Variants in TACR1 observed in about 807,000 individuals in gnomAD.
The protein encoded by TACR1 is substance-P receptor.
In TACR1, 25 loss-of-function variants were observed where a neutral mutation model predicts 35.8. That is an observed-to-expected ratio of 0.70 (90% confidence interval 0.51 to 0.98). TACR1 has a LOEUF of 0.98. TACR1 is among the 50% of genes least tolerant of loss of function. TACR1 has a pLI of 0.00. For missense variants in TACR1, 478 were observed against 522.9 expected, an observed-to-expected ratio of 0.91 and a Z score of 0.84; for synonymous variants, 195 against 206.7, an observed-to-expected ratio of 0.94 and a Z score of 0.48.
At chr2:75,172,221 A>G (rs188643377) in intron 1 of TACR1, among the ~76,000 whole-genome samples, 115 of 152,292 alleles carry the variant, frequency 7.6e-4, no homozygotes, top group Non-Finnish European at 1.2e-3. Context: ...TTTGACAAAC[A>G]GGGGCCATTG....
intron 1 of TACR1, among the ~76,000 whole-genome samples, chr2:75,143,652 TACTAAC>T (rs1311534209): frequency 1.3e-5 from 2 of 152,178 alleles, no homozygotes; most frequent in South Asian, 2.1e-4. Flanking sequence ...CAGGGAAGAT[TACTAAC>T]TCCAACGGTC....
At chr2:75,140,155 A>G (rs1010793811) in intron 1 of TACR1, among the ~76,000 whole-genome samples, 4 of 152,040 alleles carry the variant, frequency 2.6e-5, no homozygotes, top group Non-Finnish European at 2.9e-5. Context: ...GGAAGTTACT[A>G]CTCTGAAATT....
At chr2:75,056,907 A>G (rs1672579770) in intron 2 of TACR1, among the ~76,000 whole-genome samples, 1 of 152,202 alleles carries the variant, frequency 6.6e-6, no homozygotes. Flanking sequence ...CAGCAATTCT[A>G]TTTTTAGGTA....
chr2:75,095,949 A>G (rs762762278), intron 2 of TACR1, among the ~76,000 whole-genome samples: 16 of 152,188 alleles, frequency 1.1e-4, no homozygotes, highest in Non-Finnish European at 2.1e-4. Flanking sequence ...TGAGTGAGAA[A>G]TAAAGTTTTG....
chr2:75,069,059 G>T (rs533796828), intron 2 of TACR1, among the ~76,000 whole-genome samples: 1 of 152,080 alleles, frequency 6.6e-6, no homozygotes, highest in African/African-American at 2.4e-5. Context: ...TGCTGTTCTC[G>T]TGAAAGTGAA....
intron 3 of TACR1, 112 bp from the exon 4 acceptor site, chr2:75,051,559 AT>A: frequency 6.6e-7 from 1 of 1,515,170 alleles, no homozygotes; most frequent in Non-Finnish European, 8.8e-7. Context: ...AGCGAGAAGT[AT>A]TTAAAAGACG....
At chr2:75,106,599 G>A (rs999290622) in intron 2 of TACR1, among the ~76,000 whole-genome samples, 1 of 151,878 alleles carries the variant, frequency 6.6e-6, no homozygotes, top group African/African-American at 2.4e-5. Context: ...AATAGAAAGT[G>A]ACAAATTTCC....
chr2:75,050,459 T>G (rs1186914620), intron 4 of TACR1, among the ~76,000 whole-genome samples: 2 of 152,208 alleles, frequency 1.3e-5, no homozygotes, highest in Non-Finnish European at 2.9e-5. Flanking sequence ...CTCTCCCGCC[T>G]CCTTCCCCAT....
chr2:75,167,695 A>G (rs530547912), intron 1 of TACR1, among the ~76,000 whole-genome samples: 55 of 152,316 alleles, frequency 3.6e-4, no homozygotes, highest in African/African-American at 1.2e-3. Context: ...AAAAATCAGT[A>G]GTGAACAAAT....
chr2:75,094,723 G>GGTGGCAGTGGTAGTGATGAGAGAT (rs1300323110), intron 2 of TACR1, among the ~76,000 whole-genome samples: 1 of 151,512 alleles, frequency 6.6e-6, no homozygotes. Flanking sequence ...CAGTGAAGGT[G>GGTGGCAGTGGTAGTGATGAGAGAT]GTGGCAGTGG....
intron 2 of TACR1, among the ~76,000 whole-genome samples, chr2:75,055,441 A>G (rs1237302570): frequency 6.6e-6 from 1 of 152,102 alleles, no homozygotes; most frequent in Non-Finnish European, 1.5e-5. Context: ...TCCAACCACT[A>G]TGGCAGGGAC....
chr2:75,061,006 T>C (rs972210235), intron 2 of TACR1, among the ~76,000 whole-genome samples: 3 of 152,106 alleles, frequency 2.0e-5, no homozygotes, highest in African/African-American at 7.2e-5. Flanking sequence ...GCAAAGTTGG[T>C]AGATTGCCTT....
rs1218637686 is a variant in TACR1 at position 75,047,868 on chromosome 2, G to A, written c.*1564C>T. ...ATTCTCCCCTTAATGTTATGGATGC[G>A]GCACATGTGCATCCATTATGCAAAC... On this transcript the variant is annotated 3_prime_UTR_variant, in exon 5 of 5. Transcript: ENST00000305249. 2 of 152,106 alleles carry A rather than the reference G, an allele frequency of 1.3e-5. No homozygotes were observed. Among genetic ancestry groups the A allele is most frequent in the Admixed American group, 6.5e-5 (1 of 15,274 alleles). The allele number at this position is 152,106 out of a possible 1,614,324, so 9.4% of individuals were successfully genotyped here.
At chr2:75,180,282 T>G (rs1028802800) in intron 1 of TACR1, among the ~76,000 whole-genome samples, 14 of 152,252 alleles carry the variant, frequency 9.2e-5, no homozygotes, top group Non-Finnish European at 5.9e-5. Context: ...ATAAGGGCTC[T>G]TATTGTTCTT....
intron 2 of TACR1, among the ~76,000 whole-genome samples, chr2:75,100,461 C>T (rs187983463): frequency 2.6e-5 from 4 of 152,288 alleles, no homozygotes; most frequent in Admixed American, 1.3e-4. Flanking sequence ...ATTTGCTTCC[C>T]TCATCCTCCA....
At chr2:75,115,896 G>C (rs1255365660) in intron 2 of TACR1, among the ~76,000 whole-genome samples, 88 of 94,210 alleles carry the variant, frequency 9.3e-4, no homozygotes, top group African/African-American at 4.0e-3. Context: ...GACAGAGCGA[G>C]ACTCCGTCTC....
chr2:75,181,923 C>T (rs1675568493), intron 1 of TACR1, among the ~76,000 whole-genome samples: 1 of 152,300 alleles, frequency 6.6e-6, no homozygotes, highest in Non-Finnish European at 1.5e-5. Context: ...AATAACAGAA[C>T]GTCTGTTTAT....
chr2:75,060,627 G>C (rs1207633807), intron 2 of TACR1, among the ~76,000 whole-genome samples: 1 of 152,226 alleles, frequency 6.6e-6, no homozygotes, highest in Admixed American at 6.5e-5. Flanking sequence ...TGACAGACTG[G>C]AGAGTTGTGA....
chr2:75,158,333 G>C (rs942151699), intron 1 of TACR1, among the ~76,000 whole-genome samples: 3 of 152,280 alleles, frequency 2.0e-5, no homozygotes, highest in Admixed American at 6.5e-5. Flanking sequence ...CTTGCTCTCT[G>C]CCTTTTTCCC....
Sources: gnomAD v4.1 joint callset for allele counts (sites outside exome capture counted in the v4.1 genomes callset) on GRCh38, gnomAD v4.1.1 for gene constraint, MANE v1.5 for transcripts, NCBI Gene and HGNC (gene_info 2026-07-23, HGNC 2026-07-21) for gene names.